Variants in SPOCK3 observed in about 807,000 individuals in gnomAD.
SPOCK3 encodes the protein SPARC (osteonectin), cwcv and kazal like domains proteoglycan 3, also known as testican-3.
A neutral mutation model predicts 56.6 loss-of-function variants in SPOCK3; 30 were observed. The observed-to-expected ratio is 0.53, with a 90% CI of 0.40 to 0.72. The LOEUF (loss-of-function observed/expected upper bound fraction) is 0.72, where lower values mean the gene tolerates loss of function less well. SPOCK3 is among the 30% of genes least tolerant of loss of function. The pLI is 0.00. For synonymous variants in SPOCK3, 196 were observed against 183.3 expected, an observed-to-expected ratio of 1.07 and a Z score of -0.56; for missense variants, 527 against 530.0, an observed-to-expected ratio of 0.99 and a Z score of 0.06.
At chr4:166,742,980 C>T (rs1335319739) in intron 8 of SPOCK3, among the ~76,000 whole-genome samples, 2 of 151,956 alleles carry the variant, frequency 1.3e-5, no homozygotes, top group Admixed American at 6.6e-5. Context: ...AGAGGATGTG[C>T]GTACGTTATA....
chr4:166,942,641 G>T (rs1441082042), intron 4 of SPOCK3, among the ~76,000 whole-genome samples: 2 of 152,076 alleles, frequency 1.3e-5, no homozygotes, highest in Middle Eastern at 3.4e-3. Context: ...GAAATGCAAA[G>T]AAGAATGTAA....
chr4:166,889,869 G>A (rs1455085641), intron 5 of SPOCK3, among the ~76,000 whole-genome samples: 1 of 151,958 alleles, frequency 6.6e-6, no homozygotes, highest in Non-Finnish European at 1.5e-5. Flanking sequence ...TACACATAGA[G>A]AACAAACATA....
intron 2 of SPOCK3, among the ~76,000 whole-genome samples, chr4:167,070,054 A>T (rs1268337304): frequency 6.6e-6 from 1 of 151,956 alleles, no homozygotes; most frequent in Non-Finnish European, 1.5e-5. Flanking sequence ...AGCAACAACC[A>T]TCACTGTTGA....
intron 4 of SPOCK3, among the ~76,000 whole-genome samples, chr4:166,939,330 T>G (rs1015363420): frequency 1.3e-5 from 2 of 152,176 alleles, no homozygotes; most frequent in African/African-American, 4.8e-5. Context: ...CATATTTACT[T>G]ATTATTTATT....
chr4:167,006,020 C>G (rs1179152830), intron 3 of SPOCK3, among the ~76,000 whole-genome samples: 1 of 152,080 alleles, frequency 6.6e-6, no homozygotes, highest in Non-Finnish European at 1.5e-5. Context: ...AAATTCTATA[C>G]ACATCCGTTC....
chr4:166,797,306 G>A (rs1015608329), intron 6 of SPOCK3, among the ~76,000 whole-genome samples: 9 of 92,754 alleles, frequency 9.7e-5, no homozygotes, highest in Non-Finnish European at 1.5e-4. Flanking sequence ...TTTCTAAGTG[G>A]CTTTTTTTTT....
At position 167,060,210 on chromosome 4, in the gene SPOCK3, A is replaced by G. The variant is rs1212195214; in HGVS notation, c.235+2282T>C. On this transcript the variant is annotated intron_variant, in intron 3 of 10. Coordinates refer to ENST00000357545, the MANE Select transcript of SPOCK3 (RefSeq NM_001040159.2). Reference sequence around the variant, plus strand: ...ACTTGAACACAATGGAGTACTATTCAGCCATAAAAAGAATGATATCCTGTC... The same window carrying G: ...ACTTGAACACAATGGAGTACTATTCGGCCATAAAAAGAATGATATCCTGTC... Among the ~76,000 whole-genome samples, 5 of 151,890 alleles carry G rather than the reference A, an allele frequency of 3.3e-5. No homozygotes were observed. The East Asian group carries it at 9.7e-4, about 29-fold the overall frequency.
chr4:167,151,184 A>G (rs948625780), intron 2 of SPOCK3, among the ~76,000 whole-genome samples: 2 of 152,206 alleles, frequency 1.3e-5, no homozygotes, highest in African/African-American at 4.8e-5. Flanking sequence ...GGCCTCAGAC[A>G]TCAACAACTT....
At chr4:167,074,535 C>T (rs988593139) in intron 2 of SPOCK3, among the ~76,000 whole-genome samples, 3 of 151,870 alleles carry the variant, frequency 2.0e-5, no homozygotes, top group Non-Finnish European at 2.9e-5. Context: ...ATTATGGCTT[C>T]CCCTACTGTG....
At chr4:167,132,566 A>G (rs1431108948) in intron 2 of SPOCK3, among the ~76,000 whole-genome samples, 5 of 152,200 alleles carry the variant, frequency 3.3e-5, no homozygotes, top group African/African-American at 9.6e-5. Context: ...TTTAGAGACT[A>G]TATTGCTTTC....
chr4:167,207,195 A>G (rs1734430338), intron 2 of SPOCK3, among the ~76,000 whole-genome samples: 1 of 152,048 alleles, frequency 6.6e-6, no homozygotes, highest in Admixed American at 6.6e-5. Context: ...GGTAATAAGT[A>G]TTGACAGATG....
intron 2 of SPOCK3, among the ~76,000 whole-genome samples, chr4:167,210,157 G>A (rs144500467): frequency 1.5e-4 from 23 of 152,184 alleles, no homozygotes; most frequent in Admixed American, 5.2e-4. Flanking sequence ...ATTTGTTTAC[G>A]CACATTTAAT....
chr4:167,054,447 T>C (rs1368328310), intron 3 of SPOCK3, among the ~76,000 whole-genome samples: 2 of 152,218 alleles, frequency 1.3e-5, no homozygotes, highest in Non-Finnish European at 1.5e-5. Context: ...GCAAACCATA[T>C]ACATTTTATG....
chr4:167,038,249 A>G (rs1334929253), intron 3 of SPOCK3, among the ~76,000 whole-genome samples: 6 of 152,182 alleles, frequency 3.9e-5, no homozygotes, highest in Non-Finnish European at 1.5e-5. Context: ...TGTCTATATC[A>G]TTAGGACACT....
intron 6 of SPOCK3, among the ~76,000 whole-genome samples, chr4:166,888,398 T>C (rs1272088545): frequency 6.6e-6 from 1 of 152,102 alleles, no homozygotes; most frequent in Non-Finnish European, 1.5e-5. Context: ...ATTTTTTGAC[T>C]TAAGCATCTA....
Position 166,930,518 on chromosome 4 carries a change from T to A in SPOCK3, c.351-17775A>T, listed in dbSNP as rs189765361. Among the ~76,000 whole-genome samples, 200 of 151,346 alleles carry A rather than the reference T, an allele frequency of 1.3e-3. 1 individual carries two copies. Among genetic ancestry groups the A allele is most frequent in the African/African-American group, 4.7e-3 (193 of 41,384 alleles). On this transcript the variant is annotated intron_variant, in intron 4 of 10. Coordinates refer to ENST00000357545, the MANE Select transcript of SPOCK3 (RefSeq NM_001040159.2). Reference sequence around the variant, plus strand: ...AAAAAAAGACAATGATAGTCACAGTTCAATGGACAACTCTTTAATAATTCT... The same window carrying A: ...AAAAAAAGACAATGATAGTCACAGTACAATGGACAACTCTTTAATAATTCT...
intron 4 of SPOCK3, among the ~76,000 whole-genome samples, 198 bp downstream of exon 4, chr4:167,000,151 T>G (rs1004869908): frequency 6.6e-6 from 1 of 152,164 alleles, no homozygotes; most frequent in Non-Finnish European, 1.5e-5. Context: ...ATGCCTCAAA[T>G]TCTATAATCT....
At chr4:166,968,016 C>A (rs998184565) in intron 4 of SPOCK3, among the ~76,000 whole-genome samples, 1 of 152,142 alleles carries the variant, frequency 6.6e-6, no homozygotes, top group Admixed American at 6.5e-5. Context: ...AGACTGATGG[C>A]AGTGTGTCCC....
intron 2 of SPOCK3, among the ~76,000 whole-genome samples, chr4:167,227,601 T>C (rs1736720179): frequency 6.6e-6 from 1 of 151,806 alleles, no homozygotes. Context: ...ATCTGTAAAC[T>C]AGAAGAGGTA....
Sources: allele counts gnomAD v4.1 joint callset (sites outside exome capture counted in the v4.1 genomes callset), GRCh38; gene constraint gnomAD v4.1.1; transcripts MANE v1.5; gene names NCBI Gene and HGNC (gene_info 2026-07-23, HGNC 2026-07-21).